Variants in PEAK1 observed in about 807,000 individuals in gnomAD.
The protein encoded by PEAK1 is pseudopodium enriched atypical kinase 1.
PEAK1 carries 54 observed loss-of-function variants against 124.7 expected under a neutral mutation model. That is an observed-to-expected ratio of 0.43 (90% confidence interval 0.35 to 0.54). The LOEUF (loss-of-function observed/expected upper bound fraction) is 0.54, where lower values mean the gene tolerates loss of function less well. PEAK1 is among the 20% of genes least tolerant of loss of function. The probability of loss-of-function intolerance (pLI) is 0.01; values close to 1 mark genes in which losing one functional copy is unlikely to be tolerated. For missense variants in PEAK1, 2,046 were observed against 2,134.5 expected, an observed-to-expected ratio of 0.96 and a Z score of 0.82; for synonymous variants, 719 against 760.0, an observed-to-expected ratio of 0.95 and a Z score of 0.89.
intron 8 of PEAK1, among the ~76,000 whole-genome samples, chr15:77,145,229 G>A (rs1272058496): frequency 6.6e-6 from 1 of 152,240 alleles, no homozygotes; most frequent in East Asian, 1.9e-4. Context: ...TGGGTGGATC[G>A]CCTGAGCTCA....
At chr15:77,363,778 A>C (rs2068051415) in intron 2 of PEAK1, among the ~76,000 whole-genome samples, 1 of 152,208 alleles carries the variant, frequency 6.6e-6, no homozygotes, top group Admixed American at 6.5e-5. Context: ...TGTTAAATGA[A>C]AGAAATTAGT....
Position 77,196,626 on chromosome 15 carries a change from G to A in PEAK1, c.-114-14586C>T, listed in dbSNP as rs187142621. On this transcript the variant is annotated intron_variant, in intron 6 of 9. Transcript: ENST00000682557. ...AAAAAGGGTGTTGTGACACATGCATGTTAACTGGTATACAGCAAGCACTAA... is the reference window on the plus strand; with the variant it reads ...AAAAAGGGTGTTGTGACACATGCATATTAACTGGTATACAGCAAGCACTAA... 6.5e-4 allele frequency among the ~76,000 whole-genome samples: 99 copies of A among 152,238 alleles called. 1 individual carries two copies. Among genetic ancestry groups the A allele is most frequent in the African/African-American group, 2.3e-3 (97 of 41,534 alleles).
intron 9 of PEAK1, among the ~76,000 whole-genome samples, chr15:77,121,502 C>T (rs542243762): frequency 6.6e-6 from 1 of 152,290 alleles, no homozygotes; most frequent in African/African-American, 2.4e-5. Context: ...AATGACCTGA[C>T]TACACAAATG....
At chr15:77,234,804 TA>T (rs201334762) in intron 6 of PEAK1, among the ~76,000 whole-genome samples, 5 of 151,172 alleles carry the variant, frequency 3.3e-5, no homozygotes, top group Admixed American at 6.6e-5. Flanking sequence ...TCCAGCTAAT[TA>T]AAAAAAAATA....
intron 8 of PEAK1, among the ~76,000 whole-genome samples, chr15:77,149,957 C>G (rs954610240): frequency 7.2e-5 from 11 of 151,984 alleles, no homozygotes; most frequent in African/African-American, 2.7e-4. Flanking sequence ...GCCATGTTGC[C>G]TAGGCTAATC....
intron 2 of PEAK1, among the ~76,000 whole-genome samples, chr15:77,331,338 C>T (rs35450609): frequency 0.077 from 11,670 of 152,048 alleles, 548 homozygotes; most frequent in Non-Finnish European, 0.1. Context: ...CCATGTTGGC[C>T]AGGCTGGTCT....
At chr15:77,403,409 A>C (rs535255940) in intron 1 of PEAK1, 211 of 919,844 alleles carry the variant, frequency 2.3e-4, no homozygotes, top group Non-Finnish European at 2.5e-4. Flanking sequence ...GTAAAAATAC[A>C]ACCATGATAG....
intron 2 of PEAK1, among the ~76,000 whole-genome samples, chr15:77,305,976 C>T (rs1431527204): frequency 6.6e-6 from 1 of 152,088 alleles, no homozygotes; most frequent in Non-Finnish European, 1.5e-5. Context: ...TACTGCAGAA[C>T]CAATTGTGGC....
chr15:77,159,667 CAT>C (rs1257820406), intron 7 of PEAK1, among the ~76,000 whole-genome samples: 3 of 152,284 alleles, frequency 2.0e-5, no homozygotes, highest in African/African-American at 7.2e-5. Context: ...GGAAAGGAAA[CAT>C]ATATGATTAC....
intron 2 of PEAK1, among the ~76,000 whole-genome samples, chr15:77,358,124 G>T (rs1460084261): frequency 6.6e-6 from 1 of 152,114 alleles, no homozygotes; most frequent in Non-Finnish European, 1.5e-5. Flanking sequence ...TGTTCTACAT[G>T]CAATCTGCCA....
At position 77,180,117 on chromosome 15, in the gene PEAK1, G is replaced by C; in HGVS notation, c.1810C>G (p.Pro604Ala). The C allele has an allele frequency of 6.2e-7, 1 of 1,614,134 alleles. No homozygotes were observed. Among genetic ancestry groups the C allele is most frequent in the Non-Finnish European group, 8.5e-7 (1 of 1,180,006 alleles). The stretch of plus-strand genomic sequence containing the variant: ...TCATGAATGATAATTGGAAAAGGTG[G>C]CATACCAGCATTGTTATAACTATTA... The part of the protein sequence containing the change: ...KFNSYNNAGM[P>A]PFPIIIHDEP... Residue 604 changes from proline to alanine, a missense_variant, in exon 7 of 10, where the codon CCA becomes GCA. Physicochemically the swap from Pro to Ala is conservative, Grantham distance 27 (BLOSUM62 -1). Transcript: ENST00000682557.
chr15:77,176,500 T>C (rs1023784081), intron 7 of PEAK1, among the ~76,000 whole-genome samples: 1 of 152,094 alleles, frequency 6.6e-6, no homozygotes, highest in African/African-American at 2.4e-5. Context: ...ACCTACTGAA[T>C]AAAAAACTCC....
At chr15:77,326,775 T>C (rs1297299199) in intron 2 of PEAK1, among the ~76,000 whole-genome samples, 2 of 152,148 alleles carry the variant, frequency 1.3e-5, no homozygotes, top group Admixed American at 6.6e-5. Flanking sequence ...TACTATTCTA[T>C]TTAGGAAACA....
intron 2 of PEAK1, among the ~76,000 whole-genome samples, chr15:77,297,819 G>A (rs975374348): frequency 2.0e-5 from 3 of 150,576 alleles, no homozygotes; most frequent in African/African-American, 7.4e-5. Context: ...AGCATTTTGG[G>A]AGGCCGAGGC....
intron 5 of PEAK1, among the ~76,000 whole-genome samples, chr15:77,272,825 C>T (rs1255911294): frequency 6.6e-6 from 1 of 152,120 alleles, no homozygotes; most frequent in African/African-American, 2.4e-5. Flanking sequence ...AAACTACAAA[C>T]CAATATCCCT....
At chr15:77,235,733 C>A (rs2060091621) in intron 6 of PEAK1, among the ~76,000 whole-genome samples, 1 of 152,198 alleles carries the variant, frequency 6.6e-6, no homozygotes, top group African/African-American at 2.4e-5. Context: ...TTCAAGGCAG[C>A]CCCTCTCATC....
chr15:77,375,641 A>C (rs2068948065), intron 1 of PEAK1, among the ~76,000 whole-genome samples: 1 of 152,204 alleles, frequency 6.6e-6, no homozygotes, highest in Non-Finnish European at 1.5e-5. Flanking sequence ...AATGATCAAA[A>C]ATTAAGCACT....
At chr15:77,153,122 A>C (rs1003256715) in intron 8 of PEAK1, among the ~76,000 whole-genome samples, 5 of 150,126 alleles carry the variant, frequency 3.3e-5, no homozygotes, top group Admixed American at 1.3e-4. Flanking sequence ...CTGGTCCTGG[A>C]CTTTTTTTGG....
At chr15:77,189,695 C>T (rs1421612347) in intron 6 of PEAK1, among the ~76,000 whole-genome samples, 1 of 152,152 alleles carries the variant, frequency 6.6e-6, no homozygotes, top group Non-Finnish European at 1.5e-5. Context: ...GATCTTTCAT[C>T]CAGCTCTCCA....
Sources: allele counts gnomAD v4.1 joint callset (sites outside exome capture counted in the v4.1 genomes callset), GRCh38; gene constraint gnomAD v4.1.1; transcripts MANE v1.5; gene names NCBI Gene and HGNC (gene_info 2026-07-23, HGNC 2026-07-21).